STAU2: variants seen among roughly 807,000 people sequenced by gnomAD.
STAU2 encodes double-stranded RNA-binding protein Staufen homolog 2.
Under a neutral mutation model 65.9 loss-of-function variants are expected in STAU2, and 20 were observed. That is an observed-to-expected ratio of 0.30 (90% confidence interval 0.21 to 0.44). The LOEUF (loss-of-function observed/expected upper bound fraction) is 0.44, where lower values mean the gene tolerates loss of function less well. STAU2 is among the 20% of genes least tolerant of loss of function. STAU2 has a pLI of 1.00. For synonymous variants in STAU2, 232 were observed against 233.9 expected (o/e 0.99, Z 0.07); for missense variants, 558 against 683.9 (o/e 0.82, Z 2.05).
At chr8:73,742,393 T>C (rs1326802922) in intron 1 of STAU2, 1 of 188,422 alleles carries the variant, frequency 5.3e-6, no homozygotes, top group Non-Finnish European at 9.9e-6. Context: ...TAGCCAGGCA[T>C]GGAGGCACGC....
chr8:73,582,749 A>G lies in STAU2; in HGVS notation c.1222+21T>C, dbSNP rs756866055. 2.7e-5 allele frequency: 43 copies of G among 1,612,084 alleles called. 1 individual carries two copies. Among genetic ancestry groups the G allele is most frequent in the Middle Eastern group, 3.3e-4 (2 of 6,072 alleles). On this transcript the variant is annotated intron_variant, in intron 12 of 14. Coordinates refer to ENST00000524300, the MANE Select transcript of STAU2 (RefSeq NM_001164380.2). ...CCACTGATGAACACCAAGTGCAGACAACATAAAAATGAGAACTTACTATTA... is the reference window on the plus strand; with the variant it reads ...CCACTGATGAACACCAAGTGCAGACGACATAAAAATGAGAACTTACTATTA...
chr8:73,677,981 C>T (rs1225784369), intron 5 of STAU2, among the ~76,000 whole-genome samples: 1 of 152,134 alleles, frequency 6.6e-6, no homozygotes, highest in African/African-American at 2.4e-5. Flanking sequence ...CAATTAACTG[C>T]TCTTGCTTTA....
At chr8:73,525,605 T>C (rs1358850827) in intron 13 of STAU2, among the ~76,000 whole-genome samples, 2 of 152,142 alleles carry the variant, frequency 1.3e-5, no homozygotes, top group African/African-American at 2.4e-5. Context: ...CAAGGCAAAA[T>C]TGCATTTGAT....
At chr8:73,739,956 T>A in intron 1 of STAU2, 88 bp from the exon 2 acceptor site, 1 of 667,420 alleles carries the variant, frequency 1.5e-6, no homozygotes, top group South Asian at 1.7e-5. Flanking sequence ...CTCTCACTCA[T>A]TTGCTCAGAG....
chr8:73,610,672 C>A (rs1812383533), intron 9 of STAU2, among the ~76,000 whole-genome samples: 1 of 152,028 alleles, frequency 6.6e-6, no homozygotes. Context: ...ATTCTATATA[C>A]CAATAAGGAC....
intron 13 of STAU2, among the ~76,000 whole-genome samples, chr8:73,508,427 A>G (rs1385531303): frequency 2.0e-5 from 3 of 152,196 alleles, no homozygotes; most frequent in Non-Finnish European, 4.4e-5. Context: ...GAACATTTAT[A>G]AAGTTCACCA....
chr8:73,730,937 T>C (rs1478135192), intron 3 of STAU2, among the ~76,000 whole-genome samples: 1 of 152,166 alleles, frequency 6.6e-6, no homozygotes, highest in Non-Finnish European at 1.5e-5. Context: ...TTTTACATTG[T>C]TGGGTTCTGA....
At chr8:73,524,666 A>G (rs916792440) in intron 13 of STAU2, among the ~76,000 whole-genome samples, 1 of 152,184 alleles carries the variant, frequency 6.6e-6, no homozygotes, top group Non-Finnish European at 1.5e-5. Flanking sequence ...CCTGTGTTTC[A>G]TAAGAAGGAC....
chr8:73,470,622 A>C (rs1321487512), intron 13 of STAU2, among the ~76,000 whole-genome samples: 1 of 152,026 alleles, frequency 6.6e-6, no homozygotes, highest in African/African-American at 2.4e-5. Context: ...ACACAGCGAG[A>C]TCCTGTCTCT....
intron 6 of STAU2, among the ~76,000 whole-genome samples, chr8:73,635,952 C>CACACACA (rs1586165974): frequency 0.031 from 2,466 of 80,204 alleles, 59 homozygotes; most frequent in African/African-American, 0.06. Flanking sequence ...ACACACACAC[C>CACACACA]CCTGGAACCA....
intron 4 of STAU2, among the ~76,000 whole-genome samples, chr8:73,699,684 C>G (rs1819944616): frequency 6.6e-6 from 1 of 151,794 alleles, no homozygotes; most frequent in African/African-American, 2.4e-5. Flanking sequence ...TGAAAAGCTT[C>G]CCAGTAAAGA....
Position 73,610,273 on chromosome 8 carries a change from T to TAA in STAU2, c.891+3469_891+3470dup, listed in dbSNP as rs551711660. Among the ~76,000 whole-genome samples, 278 of 134,364 alleles carry TAA rather than the reference T, an allele frequency of 2.1e-3. 2 individuals are homozygous for TAA. Among genetic ancestry groups the TAA allele is most frequent in the African/African-American group, 6.8e-3 (250 of 36,990 alleles). 88.1% of individuals were successfully genotyped at this position (134,364 alleles called of 152,430 possible). On this transcript the variant is annotated intron_variant, in intron 9 of 14. Coordinates refer to ENST00000524300, the MANE Select transcript of STAU2 (RefSeq NM_001164380.2). ...CCTGGGCAACAAGTGAGACCCTGTT[T>TAA]AAAAAAAAAAAAAACAACTCTGGGT...
chr8:73,500,967 A>G (rs1408158793), intron 13 of STAU2, among the ~76,000 whole-genome samples: 2 of 151,918 alleles, frequency 1.3e-5, no homozygotes, highest in Non-Finnish European at 2.9e-5. Context: ...ACTCATTTCA[A>G]AATGTTTTAT....
chr8:73,483,800 G>A (rs1000176309), intron 13 of STAU2, among the ~76,000 whole-genome samples: 1 of 152,132 alleles, frequency 6.6e-6, no homozygotes, highest in African/African-American at 2.4e-5. Context: ...AGGTGTGATT[G>A]ATACGCAGGA....
intron 6 of STAU2, among the ~76,000 whole-genome samples, chr8:73,664,765 C>T (rs1817108437): frequency 6.6e-6 from 1 of 152,088 alleles, no homozygotes; most frequent in South Asian, 2.1e-4. Context: ...ACGAGGTGGG[C>T]AGATCACTTG....
chr8:73,667,257 C>T (rs1586229875), intron 6 of STAU2, among the ~76,000 whole-genome samples: 1 of 151,942 alleles, frequency 6.6e-6, no homozygotes, highest in African/African-American at 2.4e-5. Flanking sequence ...GGAATATTGC[C>T]AAAGCAATAT....
intron 12 of STAU2, among the ~76,000 whole-genome samples, chr8:73,567,668 C>T (rs1206889154): frequency 6.6e-6 from 1 of 151,864 alleles, no homozygotes; most frequent in Non-Finnish European, 1.5e-5. Context: ...CCACCTTGGC[C>T]TCCTGAGTAA....
At chr8:73,606,034 A>AAAAAG (rs1340428677) in intron 9 of STAU2, among the ~76,000 whole-genome samples, 10 of 151,598 alleles carry the variant, frequency 6.6e-5, no homozygotes, top group Non-Finnish European at 1.5e-4. Context: ...AAGAAAAAAA[A>AAAAAG]ATCTTCAAGC....
chr8:73,696,920 C>T (rs1035977041), intron 4 of STAU2, among the ~76,000 whole-genome samples: 8 of 152,116 alleles, frequency 5.3e-5, no homozygotes, highest in Non-Finnish European at 8.8e-5. Flanking sequence ...ATGATGACTA[C>T]CTCAAAGCAT....
Sources: gnomAD v4.1 joint callset for allele counts (sites outside exome capture counted in the v4.1 genomes callset) on GRCh38, gnomAD v4.1.1 for gene constraint, MANE v1.5 for transcripts, NCBI Gene and HGNC (gene_info 2026-07-23, HGNC 2026-07-21) for gene names.